The following CSNK1G1 variants were observed in gnomAD, a reference collection of about 807,000 sequenced individuals.
The protein encoded by CSNK1G1 is casein kinase 1 gamma 1.
Under a neutral mutation model 59.6 loss-of-function variants are expected in CSNK1G1, and 22 were observed. The observed-to-expected ratio is 0.37, with a 90% CI of 0.26 to 0.53. CSNK1G1 has a LOEUF of 0.53. Among genes scored for constraint, CSNK1G1 ranks in the 20% least tolerant of loss-of-function variants. CSNK1G1 has a pLI of 0.89. For synonymous variants in CSNK1G1, 179 were observed against 177.1 expected, an observed-to-expected ratio of 1.01 and a Z score of -0.08; for missense variants, 384 against 519.5, an observed-to-expected ratio of 0.74 and a Z score of 2.54.
chr15:64,321,699 G>A (rs1896574371), intron 1 of CSNK1G1, among the ~76,000 whole-genome samples: 1 of 152,278 alleles, frequency 6.6e-6, no homozygotes, highest in South Asian at 2.1e-4. Context: ...CTCAATTAAG[G>A]AAGCCATGAA....
At chr15:64,244,799 C>A (rs1299564994) in intron 4 of CSNK1G1, among the ~76,000 whole-genome samples, 1 of 151,928 alleles carries the variant, frequency 6.6e-6, no homozygotes, top group Non-Finnish European at 1.5e-5. Context: ...GCCTGGGTAA[C>A]AGAGTAAGAC....
intron 4 of CSNK1G1, among the ~76,000 whole-genome samples, chr15:64,237,292 C>CA (rs2082629468): frequency 6.6e-6 from 1 of 152,130 alleles, no homozygotes; most frequent in Admixed American, 6.5e-5. Flanking sequence ...AACAGGAAGA[C>CA]AAAATAACTT....
In CSNK1G1 at chr15:64,213,964, T is replaced by A. The variant is rs773502562; in HGVS notation, c.605A>T (p.His202Leu). The part of the protein sequence containing the change: ...KEYIDPETKK[H>L]IPYREHKSLT... Reference sequence around the variant, plus strand: ...ACTTTTGTGTTCCCTATAAGGTATGTGTTTTTTGGTTTCGGGGTCAATGTA... The same window carrying A: ...ACTTTTGTGTTCCCTATAAGGTATGAGTTTTTTGGTTTCGGGGTCAATGTA... The change falls in exon 6 of 12, where the codon CAC becomes CTC. Residue 202 changes from histidine to leucine, a missense_variant. Transcript: ENST00000303052. 6.2e-7 allele frequency: 1 copy of A among 1,614,218 alleles called. No individual in the cohort carries two copies. The highest frequency in any genetic ancestry group is 2.2e-5 in the East Asian group (1 of 44,880).
intron 7 of CSNK1G1, among the ~76,000 whole-genome samples, chr15:64,205,451 G>C (rs2082164174): frequency 6.6e-6 from 1 of 151,582 alleles, no homozygotes; most frequent in Non-Finnish European, 1.5e-5. Context: ...CTTCCAGAGG[G>C]AAAAAAGTTG....
intron 1 of CSNK1G1, among the ~76,000 whole-genome samples, chr15:64,343,143 C>A (rs1897761660): frequency 6.7e-6 from 1 of 149,134 alleles, no homozygotes; most frequent in African/African-American, 2.5e-5. Flanking sequence ...ACCCAGGAGG[C>A]AGAGGTTGCA....
chr15:64,251,407 T>C (rs1004543254), intron 4 of CSNK1G1, 105 bp downstream of exon 4: 8 of 721,470 alleles, frequency 1.1e-5, no homozygotes, highest in Non-Finnish European at 1.9e-5. Flanking sequence ...GCAGGGGAGA[T>C]AGATGGTTTG....
intron 2 of CSNK1G1, among the ~76,000 whole-genome samples, chr15:64,288,963 T>C (rs1894581999): frequency 1.3e-5 from 2 of 151,992 alleles, no homozygotes; most frequent in African/African-American, 4.8e-5. Context: ...TCACCTGATC[T>C]CAGGAGTTTG....
In CSNK1G1 at chr15:64,325,342, CATT is replaced by C. The variant is rs543422423; in HGVS notation, c.-224-24622_-224-24620del. On this transcript the variant is annotated intron_variant, in intron 1 of 11. Transcript: ENST00000303052. ...ATGCTCAGCTTTCAGACTCATCTTT[CATT>C]ATTTTCAGTAAAAACAACTCCAAAT... is the stretch of plus-strand genomic sequence containing the variant. Among the ~76,000 whole-genome samples, 190 of 152,246 alleles carry C rather than the reference CATT, an allele frequency of 1.2e-3. 1 individual carries two copies. The highest frequency in any genetic ancestry group is 4.3e-3 in the African/African-American group (180 of 41,558).
intron 6 of CSNK1G1, among the ~76,000 whole-genome samples, chr15:64,208,900 T>C (rs1279081928): frequency 6.6e-6 from 1 of 151,680 alleles, no homozygotes; most frequent in African/African-American, 2.4e-5. Context: ...TTTTTTTTTT[T>C]TTTTTGAGAC....
chr15:64,184,676 CAAAAA>C (rs59052389), intron 10 of CSNK1G1, among the ~76,000 whole-genome samples: 1 of 81,480 alleles, frequency 1.2e-5, no homozygotes, highest in Admixed American at 1.3e-4. Context: ...AACTCTGTCT[CAAAAA>C]AAAAAAAAAA....
intron 2 of CSNK1G1, among the ~76,000 whole-genome samples, chr15:64,281,448 T>TA (rs762525666): frequency 2.4e-4 from 36 of 151,424 alleles, no homozygotes; most frequent in Non-Finnish European, 4.9e-4. Context: ...TCTATAAAAA[T>TA]AAAAAAAATA....
At chr15:64,183,205 C>G (rs1239398131) in intron 10 of CSNK1G1, among the ~76,000 whole-genome samples, 1 of 152,150 alleles carries the variant, frequency 6.6e-6, no homozygotes, top group Non-Finnish European at 1.5e-5. Flanking sequence ...CTTATACTTC[C>G]TAAATTCTCC....
At chr15:64,325,737 CT>C (rs1195940275) in intron 1 of CSNK1G1, among the ~76,000 whole-genome samples, 1 of 152,200 alleles carries the variant, frequency 6.6e-6, no homozygotes, top group East Asian at 1.9e-4. Flanking sequence ...TTCACTTGGA[CT>C]ATCTTAATAA....
At chr15:64,239,175 GT>G (rs2082660892) in intron 4 of CSNK1G1, among the ~76,000 whole-genome samples, 1 of 152,120 alleles carries the variant, frequency 6.6e-6, no homozygotes, top group Non-Finnish European at 1.5e-5. Flanking sequence ...ACTCTAGAAA[GT>G]TTAAGAGAGT....
chr15:64,227,890 C>T (rs2082483445), intron 4 of CSNK1G1, among the ~76,000 whole-genome samples: 1 of 152,164 alleles, frequency 6.6e-6, no homozygotes, highest in Non-Finnish European at 1.5e-5. Context: ...TCTCAATGTT[C>T]TTTTTCATCT....
intron 10 of CSNK1G1, chr15:64,181,365 G>T: frequency 6.5e-7 from 1 of 1,535,892 alleles, no homozygotes; most frequent in Non-Finnish European, 8.7e-7. Context: ...TGTTTATGTG[G>T]GTGCTGGGAA....
chr15:64,216,379 T>G lies in CSNK1G1; in HGVS notation c.444+183A>C, dbSNP rs1207053212. 1.3e-5 allele frequency among the ~76,000 whole-genome samples: 2 copies of G among 152,156 alleles called. No individual in the cohort carries two copies. Among genetic ancestry groups the G allele is most frequent in the African/African-American group, 4.8e-5 (2 of 41,420 alleles). ...TGCAAAGTCTTAAAATAGAGCAAAT[T>G]GCAGATGTAGTGTGACTTCTCTGAA... On this transcript the variant is annotated intron_variant, in intron 5 of 11. Transcript: ENST00000303052. This position sits in a 1 kb window ranked among gnomAD's most constrained non-coding sequence, Gnocchi z 4.6.
At chr15:64,180,642 T>A (rs1447526143) in intron 10 of CSNK1G1, among the ~76,000 whole-genome samples, 188 bp from the exon 11 acceptor site, 1 of 152,248 alleles carries the variant, frequency 6.6e-6, no homozygotes, top group Non-Finnish European at 1.5e-5. Context: ...AATCATATAA[T>A]GATGATAATA....
intron 4 of CSNK1G1, among the ~76,000 whole-genome samples, chr15:64,247,166 G>A (rs1036756396): frequency 6.6e-6 from 1 of 152,100 alleles, no homozygotes; most frequent in Non-Finnish European, 1.5e-5. Context: ...TTTATGGATT[G>A]GAAAATTTTT....
Sources: allele counts gnomAD v4.1 joint callset (sites outside exome capture counted in the v4.1 genomes callset), GRCh38; gene constraint gnomAD v4.1.1; non-coding constraint Gnocchi (gnomAD v3.1); transcripts MANE v1.5; gene names NCBI Gene and HGNC (gene_info 2026-07-23, HGNC 2026-07-21).